Variants in IL1RAPL1 observed in about 807,000 individuals in gnomAD.
IL1RAPL1 encodes the protein interleukin 1 receptor accessory protein like 1.
IL1RAPL1 carries 3 observed loss-of-function variants against 48.4 expected under a neutral mutation model. That is an observed-to-expected ratio of 0.06 (90% CI 0.03 to 0.16). The LOEUF (loss-of-function observed/expected upper bound fraction) is 0.16. Among genes scored for constraint, IL1RAPL1 ranks in the 10% least tolerant of loss-of-function variants. IL1RAPL1 has a pLI of 1.00. For synonymous variants in IL1RAPL1, 185 were observed against 187.7 expected, an observed-to-expected ratio of 0.99 and a Z score of 0.12; for missense variants, 349 against 530.6, an observed-to-expected ratio of 0.66 and a Z score of 3.36.
chrX:29,938,460 T>C (rs1455461515), intron 8 of IL1RAPL1, among the ~76,000 whole-genome samples: 1 of 111,726 alleles, frequency 9.0e-6, no homozygotes, highest in African/African-American at 3.3e-5. Context: ...AAAAGAATCA[T>C]TCCCTGCCTG....
Position 29,910,597 on chromosome X carries a change from A to G in IL1RAPL1, c.779-6867A>G, listed in dbSNP as rs1932748146. 2.7e-5 allele frequency among the ~76,000 whole-genome samples: 3 copies of G among 112,074 alleles called. No homozygotes were observed. The South Asian group carries it at 1.1e-3, about 42-fold the overall frequency. On this transcript the variant is annotated intron_variant, in intron 6 of 10. Transcript: ENST00000378993. ...ATATAGTCTGATTTTATAATCATACATTTTATAAATCATTTTATAAATTCA... is the reference window on the plus strand; with the variant it reads ...ATATAGTCTGATTTTATAATCATACGTTTTATAAATCATTTTATAAATTCA...
intron 5 of IL1RAPL1, among the ~76,000 whole-genome samples, chrX:29,530,394 G>A (rs1013252871): frequency 9.9e-5 from 11 of 111,173 alleles, no homozygotes; most frequent in African/African-American, 3.6e-4. Context: ...TTGAATAAAG[G>A]GTTCATTATT....
chrX:29,613,531 T>C (rs1157764024), intron 5 of IL1RAPL1, among the ~76,000 whole-genome samples: 1 of 111,124 alleles, frequency 9.0e-6, no homozygotes, highest in Non-Finnish European at 1.9e-5. Flanking sequence ...TCTTAATTCA[T>C]AAAGAGACTC....
chrX:29,527,800 G>A (rs865861077), intron 5 of IL1RAPL1, among the ~76,000 whole-genome samples: 1 of 111,824 alleles, frequency 8.9e-6, no homozygotes, highest in Middle Eastern at 4.6e-3. Context: ...AATATATAAA[G>A]AACTTTTAAA....
Position 29,509,514 on chromosome X carries a change from T to G in IL1RAPL1, c.703+110206T>G, listed in dbSNP as rs1935370871. ...GAAACTGACTTTGAAAAAGTTAAAG[T>G]AAATTGCTACAATTGAGAAATGATG... On this transcript the variant is annotated intron_variant, in intron 5 of 10. Coordinates refer to ENST00000378993, the MANE Select transcript of IL1RAPL1 (RefSeq NM_014271.4). Among the ~76,000 whole-genome samples, 3 of 112,625 alleles carry G rather than the reference T, an allele frequency of 2.7e-5. No individual in the cohort carries two copies. The Admixed American group carries it at 2.8e-4, about 11-fold the overall frequency.
chrX:29,883,876 C>G (rs1029046539), intron 6 of IL1RAPL1, among the ~76,000 whole-genome samples: 3 of 112,209 alleles, frequency 2.7e-5, no homozygotes, highest in African/African-American at 9.7e-5. Context: ...TTAACATTTT[C>G]TAATTAAATA....
chrX:28,655,923 A>C (rs1381869972), intron 1 of IL1RAPL1, among the ~76,000 whole-genome samples: 1 of 112,022 alleles, frequency 8.9e-6, no homozygotes, highest in Admixed American at 9.5e-5. Flanking sequence ...GTGACCAAAA[A>C]GCAAATTGGA....
intron 5 of IL1RAPL1, among the ~76,000 whole-genome samples, chrX:29,609,509 T>A (rs1924023157): frequency 8.9e-6 from 1 of 112,033 alleles, no homozygotes; most frequent in African/African-American, 3.2e-5. Context: ...TCTTTGTGTG[T>A]CTTGGCTCAA....
At chrX:29,174,102 C>T (rs142252613) in intron 2 of IL1RAPL1, among the ~76,000 whole-genome samples, 2,963 of 109,991 alleles carry the variant, frequency 0.027, 117 homozygotes, top group African/African-American at 0.093. Context: ...TTTTGTATTT[C>T]TGGTAGAGAC....
intron 1 of IL1RAPL1, among the ~76,000 whole-genome samples, chrX:28,698,248 T>C (rs964557601): frequency 9.0e-6 from 1 of 111,257 alleles, no homozygotes; most frequent in African/African-American, 3.3e-5. Flanking sequence ...CTCACTTTAA[T>C]GAAAGAGGTG....
chrX:29,188,386 G>A (rs774872665), intron 2 of IL1RAPL1, among the ~76,000 whole-genome samples: 3 of 111,344 alleles, frequency 2.7e-5, no homozygotes, highest in Non-Finnish European at 5.6e-5. Context: ...AGTTGATCTG[G>A]AGGGACAGAG....
chrX:29,265,628 C>T (rs1399033896), intron 2 of IL1RAPL1, among the ~76,000 whole-genome samples: 1 of 70,679 alleles, frequency 1.4e-5, no homozygotes, highest in Non-Finnish European at 2.6e-5. Flanking sequence ...CCCCTCCCCC[C>T]ACCCCACAAC....
Position 28,877,713 on chromosome X carries a change from C to T in IL1RAPL1, c.82+88288C>T, listed in dbSNP as rs190878968. On this transcript the variant is annotated intron_variant, in intron 2 of 10. Coordinates refer to ENST00000378993, the MANE Select transcript of IL1RAPL1 (RefSeq NM_014271.4). ...AATCCTAGAGATGGAGGATAGTAAA[C>T]GCCAATTGTGAAGCCAGTAATTACA... is the stretch of plus-strand genomic sequence containing the variant. 4.0e-4 allele frequency among the ~76,000 whole-genome samples: 45 copies of T among 111,201 alleles called. 1 individual carries two copies. The highest frequency in any genetic ancestry group is 4.7e-3 in the Middle Eastern group (1 of 215).
intron 2 of IL1RAPL1, among the ~76,000 whole-genome samples, chrX:29,022,307 C>G (rs374656419): frequency 8.9e-6 from 1 of 111,749 alleles, no homozygotes; most frequent in African/African-American, 3.3e-5. Context: ...GCCTTACCTA[C>G]TCTCTCCCAC....
intron 1 of IL1RAPL1, among the ~76,000 whole-genome samples, chrX:28,623,314 G>A (rs1026668950): frequency 1.8e-5 from 2 of 111,350 alleles, no homozygotes; most frequent in Non-Finnish European, 3.8e-5. Flanking sequence ...TCTTTGTACA[G>A]ATCAAGGAGA....
intron 1 of IL1RAPL1, among the ~76,000 whole-genome samples, chrX:28,733,541 A>G (rs1403252983): frequency 9.0e-6 from 1 of 111,613 alleles, no homozygotes; most frequent in East Asian, 2.8e-4. Context: ...CCTATCAGCA[A>G]CAATTTATCA....
chrX:28,659,838 G>A (rs1203964832), intron 1 of IL1RAPL1, among the ~76,000 whole-genome samples: 1 of 110,383 alleles, frequency 9.1e-6, no homozygotes, highest in Non-Finnish European at 1.9e-5. Context: ...AGATTCTTGG[G>A]TCTAATCCTG....
At chrX:29,261,423 A>G (rs951188897) in intron 2 of IL1RAPL1, among the ~76,000 whole-genome samples, 2 of 111,015 alleles carry the variant, frequency 1.8e-5, no homozygotes, top group Non-Finnish European at 3.8e-5. Context: ...TAAATTCTTA[A>G]TCTTCCTTGG....
At chrX:28,954,979 C>G (rs942817170) in intron 2 of IL1RAPL1, among the ~76,000 whole-genome samples, 2 of 111,851 alleles carry the variant, frequency 1.8e-5, no homozygotes, top group African/African-American at 3.2e-5. Context: ...TACACGTAAA[C>G]AGTAATGGAT....
Sources: gnomAD v4.1 joint callset for allele counts (sites outside exome capture counted in the v4.1 genomes callset) on GRCh38, gnomAD v4.1.1 for gene constraint, MANE v1.5 for transcripts, NCBI Gene and HGNC (gene_info 2026-07-23, HGNC 2026-07-21) for gene names.